The following ZNF713 variants were observed in gnomAD, a reference collection of about 807,000 sequenced individuals.
The protein encoded by ZNF713 is zinc finger protein 713.
A neutral mutation model predicts 28.7 loss-of-function variants in ZNF713; 21 were observed. That is an observed-to-expected ratio of 0.73 (90% CI 0.52 to 1.05). The LOEUF is 1.05. ZNF713 is among the 50% of genes least tolerant of loss of function. The pLI is 0.00. For missense variants in ZNF713, 458 were observed against 532.4 expected (o/e 0.86, Z 1.37); for synonymous variants, 167 against 178.0 (o/e 0.94, Z 0.49).
At chr7:55,903,666 T>TA (rs113130548) in intron 1 of ZNF713, among the ~76,000 whole-genome samples, 31,687 of 112,416 alleles carry the variant, frequency 0.28, 5,016 homozygotes, top group African/African-American at 0.39. Context: ...GACTGTGTCT[T>TA]AAAAAAAAAA....
At chr7:55,934,299 AC>A (rs1418274786) in intron 6 of ZNF713, among the ~76,000 whole-genome samples, 2 of 152,162 alleles carry the variant, frequency 1.3e-5, no homozygotes, top group Non-Finnish European at 2.9e-5. Flanking sequence ...TAGCAGGTCT[AC>A]AGATCCCCAG....
At chr7:55,898,114 A>G (rs1785507789) in intron 1 of ZNF713, among the ~76,000 whole-genome samples, 1 of 152,242 alleles carries the variant, frequency 6.6e-6, no homozygotes, top group Non-Finnish European at 1.5e-5. Flanking sequence ...AAAATGGATT[A>G]AGGACTTAAA....
chr7:55,927,662 C>T (rs1053659484), intron 6 of ZNF713, among the ~76,000 whole-genome samples: 6 of 151,376 alleles, frequency 4.0e-5, no homozygotes, highest in Non-Finnish European at 5.9e-5. Flanking sequence ...TTTGGGAGGC[C>T]GAGATGGACG....
chr7:55,908,703 AT>A (rs1785731936), intron 2 of ZNF713, among the ~76,000 whole-genome samples: 1 of 151,806 alleles, frequency 6.6e-6, no homozygotes, highest in South Asian at 2.1e-4. Context: ...TGTGTTGAAA[AT>A]TTCTTTTGCA....
chr7:55,930,227 A>G (rs1335815306), intron 6 of ZNF713, among the ~76,000 whole-genome samples: 1 of 152,220 alleles, frequency 6.6e-6, no homozygotes, highest in Admixed American at 6.5e-5. Context: ...AGTCATAATA[A>G]GAGAAATACA....
Position 55,940,671 on chromosome 7 carries a change from G to T in ZNF713, c.*665G>T, listed in dbSNP as rs1016222391. On this transcript the variant is annotated 3_prime_UTR_variant, in exon 7 of 7. Transcript: ENST00000429591. ...CATGAGAATGACTTGAACATGGGAG[G>T]TGGAGGTTGCTGTGAGCTGAGATCA... The T allele has an allele frequency of 7.0e-6, 4 of 574,458 alleles. No individual in the cohort carries two copies. The highest frequency in any genetic ancestry group is 8.8e-6 in the Non-Finnish European group (4 of 455,854). The allele number at this position is 574,458 out of a possible 1,614,324, so 35.6% of individuals were successfully genotyped here.
At chr7:55,896,447 T>G (rs1785473158) in intron 1 of ZNF713, among the ~76,000 whole-genome samples, 1 of 151,842 alleles carries the variant, frequency 6.6e-6, no homozygotes, top group Non-Finnish European at 1.5e-5. Flanking sequence ...ATTGAACAAA[T>G]AAGTAGATAA....
Position 55,925,140 on chromosome 7 carries a change from C to T in ZNF713, c.307+1441C>T, listed in dbSNP as rs74424125. Among the ~76,000 whole-genome samples, 346 of 152,230 alleles carry T rather than the reference C, an allele frequency of 2.3e-3. 11 individuals carry two copies. In the East Asian group the frequency reaches 0.064, roughly 28 times the overall value. On this transcript the variant is annotated intron_variant, in intron 6 of 6. Transcript: ENST00000429591. ...CACCAGATGCTGAGTTAGGTAGTTTCTACTCTGGTCCATGACACCAGGTGA... is the reference window on the plus strand; with the variant it reads ...CACCAGATGCTGAGTTAGGTAGTTTTTACTCTGGTCCATGACACCAGGTGA...
rs1229611511 is a variant in ZNF713, at chr7:55,891,553, C to G, written c.-583+3873C>G. ...ACAACAACAACAACAAAAAGCCACA[C>G]GTGGTGGTGCGCACCTGTGGTCCCA... On this transcript the variant is annotated intron_variant, in intron 1 of 6. Coordinates refer to ENST00000429591, the MANE Select transcript of ZNF713 (RefSeq NM_182633.3). Among the ~76,000 whole-genome samples, 4 of 151,802 alleles carry G rather than the reference C, an allele frequency of 2.6e-5. No individual in the cohort carries two copies. The South Asian group carries it at 8.4e-4, about 32-fold the overall frequency.
chr7:55,901,875 G>C (rs1341338982), intron 1 of ZNF713, among the ~76,000 whole-genome samples: 1 of 152,210 alleles, frequency 6.6e-6, no homozygotes, highest in Non-Finnish European at 1.5e-5. Context: ...GTAGTTTGCT[G>C]TATCAACTTA....
intron 4 of ZNF713, among the ~76,000 whole-genome samples, chr7:55,919,854 T>C (rs951998912): frequency 6.6e-6 from 1 of 151,792 alleles, no homozygotes; most frequent in Non-Finnish European, 1.5e-5. Context: ...TCCTACTCTC[T>C]ACCTCAAGTG....
chr7:55,896,188 A>G (rs1344474937), intron 1 of ZNF713, among the ~76,000 whole-genome samples: 1 of 152,208 alleles, frequency 6.6e-6, no homozygotes, highest in African/African-American at 2.4e-5. Context: ...TAAAAAATAG[A>G]GGAGAGTGAA....
intron 4 of ZNF713, among the ~76,000 whole-genome samples, chr7:55,922,072 C>T (rs192365096): frequency 1.3e-5 from 2 of 152,130 alleles, no homozygotes; most frequent in East Asian, 2.0e-4. Context: ...ATTACAGGCA[C>T]GTGCCACCAT....
At chr7:55,937,505 A>T (rs1786377972) in intron 6 of ZNF713, among the ~76,000 whole-genome samples, 1 of 152,012 alleles carries the variant, frequency 6.6e-6, no homozygotes, top group Non-Finnish European at 1.5e-5. Flanking sequence ...AGGGGAAGGG[A>T]AAGGAATTAC....
At position 55,939,219 on chromosome 7, in the gene ZNF713, G is replaced by C. The variant is rs887440205; in HGVS notation, c.545G>C (p.Cys182Ser). Residue 182 changes from cysteine to serine, a missense_variant, in exon 7 of 7, where the codon TGT becomes TCT. Coordinates refer to ENST00000429591, the MANE Select transcript of ZNF713 (RefSeq NM_182633.3). ...KKITQERSLE[C>S]NKFAENCNLN... ...ATCACACAGGAGAGAAGCCTTGAGT[G>C]TAATAAATTTGCAGAAAACTGTAAT... is the stretch of plus-strand genomic sequence containing the variant. The C allele has an allele frequency of 6.2e-7, 1 of 1,613,946 alleles. No individual in the cohort carries two copies. Among genetic ancestry groups the C allele is most frequent in the African/African-American group, 1.3e-5 (1 of 74,894 alleles).
intron 6 of ZNF713, among the ~76,000 whole-genome samples, chr7:55,936,915 G>A (rs1376081595): frequency 6.6e-6 from 1 of 152,140 alleles, no homozygotes; most frequent in African/African-American, 2.4e-5. Flanking sequence ...CATCTGCTAA[G>A]CTGAGTGAAG....
At chr7:55,929,049 G>A (rs1562747185) in intron 6 of ZNF713, among the ~76,000 whole-genome samples, 1 of 151,920 alleles carries the variant, frequency 6.6e-6, no homozygotes, top group South Asian at 2.1e-4. Context: ...GAAGCAGGAG[G>A]ATCAATTGAG....
intron 2 of ZNF713, among the ~76,000 whole-genome samples, chr7:55,911,040 C>T (rs546692107): frequency 9.2e-5 from 14 of 152,314 alleles, no homozygotes; most frequent in African/African-American, 3.1e-4. Flanking sequence ...TTAAATCACT[C>T]CTGAAAGGTC....
intron 4 of ZNF713, among the ~76,000 whole-genome samples, chr7:55,914,796 G>A (rs1413408192): frequency 6.6e-6 from 1 of 152,106 alleles, no homozygotes; most frequent in Non-Finnish European, 1.5e-5. Flanking sequence ...TTTATTTGGT[G>A]TATATTAGTG....
Sources: allele counts gnomAD v4.1 joint callset (sites outside exome capture counted in the v4.1 genomes callset), GRCh38; gene constraint gnomAD v4.1.1; transcripts MANE v1.5; gene names NCBI Gene and HGNC (gene_info 2026-07-23, HGNC 2026-07-21).